TACR3: variants seen among roughly 807,000 people sequenced by gnomAD.
TACR3 encodes the protein tachykinin receptor 3, also known as neuromedin-K receptor.
TACR3 carries 34 observed loss-of-function variants against 35.0 expected under a neutral mutation model. The ratio of observed to expected loss-of-function variants is 0.97; its 90% CI spans 0.74 to 1.30. The LOEUF is 1.30. Among genes scored for constraint, TACR3 ranks in the 50% most tolerant of loss-of-function variants. TACR3 has a pLI of 0.00. For missense variants in TACR3, 558 were observed against 591.7 expected (o/e 0.94, Z 0.59); for synonymous variants, 233 against 221.1 (o/e 1.05, Z -0.48).
chr4:103,636,161 C>T (rs952605590), intron 3 of TACR3, among the ~76,000 whole-genome samples: 6 of 151,294 alleles, frequency 4.0e-5, no homozygotes, highest in Non-Finnish European at 8.9e-5. Context: ...GGTTAATTAA[C>T]TAAGGAGAAT....
rs201817638 is a variant in TACR3, at chr4:103,591,501, G to A, written c.1071C>T (p.Cys357=). 14 of 1,613,800 alleles carry A rather than the reference G, an allele frequency of 8.7e-6. No homozygotes were observed. Among genetic ancestry groups the A allele is most frequent in the Non-Finnish European group, 1.0e-5 (12 of 1,179,778 alleles). ...TTTGTTTTTACCTTTTATTCAGACA[G>A]CAGTAGATGATGGGATTGTACATGG... ...SSTMYNPIIY[C]CLNKRFRAGF... is the part of the protein sequence containing the mutation. The change falls in exon 4 of 5, where the codon TGC becomes TGT. Residue 357 remains cysteine (C), a synonymous_variant. Coordinates refer to ENST00000304883, the MANE Select transcript of TACR3 (RefSeq NM_001059.3).
At chr4:103,643,234 T>A (rs906221359) in intron 3 of TACR3, among the ~76,000 whole-genome samples, 1 of 151,842 alleles carries the variant, frequency 6.6e-6, no homozygotes, top group Non-Finnish European at 1.5e-5. Context: ...ATACTTCAAG[T>A]GTTAAATAGC....
chr4:103,712,989 GA>G (rs1031906046), intron 1 of TACR3, among the ~76,000 whole-genome samples: 4 of 152,190 alleles, frequency 2.6e-5, no homozygotes, highest in African/African-American at 9.7e-5. Flanking sequence ...GTGCTGGAGA[GA>G]ATGTAGAGAA....
At chr4:103,701,424 T>C (rs1326183962) in intron 1 of TACR3, among the ~76,000 whole-genome samples, 6 of 151,462 alleles carry the variant, frequency 4.0e-5, no homozygotes, top group Non-Finnish European at 7.4e-5. Context: ...GGAAGAACAT[T>C]CCATGCTCAT....
chr4:103,692,684 A>G (rs947097462), intron 1 of TACR3, among the ~76,000 whole-genome samples: 1 of 152,186 alleles, frequency 6.6e-6, no homozygotes, highest in Non-Finnish European at 1.5e-5. Flanking sequence ...AACATTAACA[A>G]ATCCAATCAG....
intron 1 of TACR3, among the ~76,000 whole-genome samples, chr4:103,707,121 C>T (rs1722812814): frequency 6.6e-6 from 1 of 152,182 alleles, no homozygotes; most frequent in African/African-American, 2.4e-5. Flanking sequence ...CCTGCTTTTG[C>T]ATTTATGACA....
intron 1 of TACR3, among the ~76,000 whole-genome samples, chr4:103,659,211 G>A (rs935668871): frequency 1.3e-5 from 2 of 152,152 alleles, no homozygotes; most frequent in African/African-American, 4.8e-5. Context: ...GCCAGGAACT[G>A]GTACTGGTCC....
chr4:103,699,594 T>C (rs925507086), intron 1 of TACR3, among the ~76,000 whole-genome samples: 1 of 152,104 alleles, frequency 6.6e-6, no homozygotes. Context: ...TAGGTGAGTA[T>C]TGTAGTAATT....
chr4:103,681,045 T>G (rs970198197), intron 1 of TACR3, among the ~76,000 whole-genome samples: 1 of 152,012 alleles, frequency 6.6e-6, no homozygotes, highest in Non-Finnish European at 1.5e-5. Context: ...TAAACTATTT[T>G]ATTGAAAATA....
chr4:103,680,453 G>A, intron 1 of TACR3, among the ~76,000 whole-genome samples: 1 of 147,956 alleles, frequency 6.8e-6, no homozygotes, highest in Admixed American at 6.8e-5. Context: ...CCATTAGAAA[G>A]TTTCCAGATT....
At chr4:103,683,148 T>C (rs1390398457) in intron 1 of TACR3, among the ~76,000 whole-genome samples, 3 of 152,072 alleles carry the variant, frequency 2.0e-5, no homozygotes, top group Non-Finnish European at 4.4e-5. Flanking sequence ...CTAGAAAATA[T>C]TTTGAACAGA....
chr4:103,713,673 A>T (rs1039947491), intron 1 of TACR3, among the ~76,000 whole-genome samples: 5 of 152,114 alleles, frequency 3.3e-5, no homozygotes, highest in Non-Finnish European at 7.4e-5. Flanking sequence ...ACAGAAAAAA[A>T]TAGGAGCTCT....
intron 3 of TACR3, among the ~76,000 whole-genome samples, chr4:103,635,159 C>T (rs906846436): frequency 4.6e-5 from 7 of 151,844 alleles, no homozygotes; most frequent in African/African-American, 1.7e-4. Flanking sequence ...TACATATAAA[C>T]ATGACATTGT....
intron 3 of TACR3, among the ~76,000 whole-genome samples, chr4:103,618,878 T>C (rs1014406961): frequency 6.6e-6 from 1 of 152,306 alleles, no homozygotes; most frequent in Non-Finnish European, 1.5e-5. Flanking sequence ...ATGGTGCTTT[T>C]GATTTATCTC....
At chr4:103,601,273 A>G (rs1025868702) in intron 3 of TACR3, among the ~76,000 whole-genome samples, 1 of 151,772 alleles carries the variant, frequency 6.6e-6, no homozygotes, top group Non-Finnish European at 1.5e-5. Flanking sequence ...TTTTGAGCCT[A>G]TGTGTGTCTC....
intron 1 of TACR3, among the ~76,000 whole-genome samples, chr4:103,664,776 A>G (rs1725903573): frequency 6.6e-6 from 1 of 151,962 alleles, no homozygotes. Flanking sequence ...GATACATTTT[A>G]TTTTGTGATT....
chr4:103,595,620 T>C lies in TACR3; in HGVS notation c.889-3937A>G, dbSNP rs867141953. ...TTACATTAAATTAGTGTAGGATGGA[T>C]GATTTTGAGGTTTGGGTTGTAAAAG... On this transcript the variant is annotated intron_variant, in intron 3 of 4. Transcript: ENST00000304883. Among the ~76,000 whole-genome samples the C allele has an allele frequency of 8.5e-5, 13 of 152,186 alleles. No homozygotes were observed. In the South Asian group the frequency reaches 1.0e-3, roughly 12 times the overall value.
At position 103,589,983 on chromosome 4, in the gene TACR3, C is replaced by T. The variant is rs1335509545; in HGVS notation, c.1097G>A (p.Gly366Asp). ...YCCLNKRFRA[G>D]FKRAFRWCPF... ...ACACCAGCGAAATGCTCTCTTGAAG[C>T]CAGCTCGAAATCTGAGGAAAAGCAG... The change falls in exon 5 of 5, where the codon GGC becomes GAC. Residue 366 changes from glycine (G) to aspartate (D), a missense_variant. By Grantham distance (94) the Gly-to-Asp change is moderately conservative. Coordinates refer to ENST00000304883, the MANE Select transcript of TACR3 (RefSeq NM_001059.3). 3.1e-6 allele frequency: 5 copies of T among 1,613,576 alleles called. No homozygotes were observed. The highest frequency in any genetic ancestry group is 4.2e-6 in the Non-Finnish European group (5 of 1,179,734).
At position 103,635,563 on chromosome 4, in the gene TACR3, C is replaced by T. The variant is rs148266976; in HGVS notation, c.888+20631G>A. 3.5e-4 allele frequency among the ~76,000 whole-genome samples: 53 copies of T among 152,066 alleles called. No homozygotes were observed. In the East Asian group the frequency reaches 7.9e-3, roughly 23 times the overall value. ...GACTTGCTTAACGTCAATGGTGTGA[C>T]GGAAAACTTTGGCTCTAACCAAAAT... On this transcript the variant is annotated intron_variant, in intron 3 of 4. Transcript: ENST00000304883.
Sources: allele counts gnomAD v4.1 joint callset (sites outside exome capture counted in the v4.1 genomes callset), GRCh38; gene constraint gnomAD v4.1.1; transcripts MANE v1.5; gene names NCBI Gene and HGNC (gene_info 2026-07-23, HGNC 2026-07-21).